The following RAPGEF2 variants were observed in gnomAD, a reference collection of about 807,000 sequenced individuals.
RAPGEF2 encodes the protein Rap guanine nucleotide exchange factor 2.
In RAPGEF2, 54 loss-of-function variants were observed where a neutral mutation model predicts 186.7. That is an observed-to-expected ratio of 0.29 (90% CI 0.23 to 0.36). RAPGEF2 has a LOEUF of 0.36. RAPGEF2 is among the 10% of genes least tolerant of loss of function. RAPGEF2 has a pLI of 1.00. For synonymous variants in RAPGEF2, 712 were observed against 705.9 expected, an observed-to-expected ratio of 1.01 and a Z score of -0.14; for missense variants, 1,532 against 2,045.0, an observed-to-expected ratio of 0.75 and a Z score of 4.84.
intron 1 of RAPGEF2, among the ~76,000 whole-genome samples, chr4:159,152,142 C>G (rs1002638443): frequency 6.6e-6 from 1 of 152,058 alleles, no homozygotes; most frequent in African/African-American, 2.4e-5. Context: ...GGCAACATGG[C>G]AAAACCTCGT....
intron 1 of RAPGEF2, among the ~76,000 whole-genome samples, chr4:159,161,189 G>A (rs1579337796): frequency 6.6e-6 from 1 of 152,014 alleles, no homozygotes; most frequent in Non-Finnish European, 1.5e-5. Context: ...GTATTAATTT[G>A]TTTTCAGAAA....
intron 3 of RAPGEF2, among the ~76,000 whole-genome samples, chr4:159,198,642 C>T (rs1489805590): frequency 6.0e-5 from 9 of 150,244 alleles, no homozygotes; most frequent in Non-Finnish European, 8.9e-5. Flanking sequence ...GCTGGGGTTT[C>T]GCCATATTGG....
At chr4:159,348,218 C>T (rs1730625434) in intron 25 of RAPGEF2, among the ~76,000 whole-genome samples, 2 of 145,850 alleles carry the variant, frequency 1.4e-5, no homozygotes, top group East Asian at 2.1e-4. Flanking sequence ...AAGACTCTGT[C>T]GATAGATAGA....
intron 1 of RAPGEF2, among the ~76,000 whole-genome samples, chr4:159,170,922 C>G (rs1745849824): frequency 6.6e-6 from 1 of 151,406 alleles, no homozygotes. Context: ...TGTGTAGATA[C>G]CCAGTTTTCT....
intron 8 of RAPGEF2, among the ~76,000 whole-genome samples, chr4:159,313,978 A>T (rs1764247367): frequency 6.6e-6 from 1 of 152,202 alleles, no homozygotes; most frequent in African/African-American, 2.4e-5. Context: ...AAGTTTAGTG[A>T]TGTGATTACC....
At chr4:159,129,138 A>G (rs946414621) in intron 1 of RAPGEF2, among the ~76,000 whole-genome samples, 3 of 151,926 alleles carry the variant, frequency 2.0e-5, no homozygotes, top group Non-Finnish European at 4.4e-5. Context: ...TAGAAATGTA[A>G]TAAGAATAAG....
chr4:159,136,615 A>T (rs1000840364), intron 1 of RAPGEF2, among the ~76,000 whole-genome samples: 1 of 152,200 alleles, frequency 6.6e-6, no homozygotes, highest in African/African-American at 2.4e-5. Flanking sequence ...TCTCTAAACA[A>T]TGTGAATGCC....
At chr4:159,198,363 C>CT (rs1351601997) in intron 3 of RAPGEF2, among the ~76,000 whole-genome samples, 1 of 127,858 alleles carries the variant, frequency 7.8e-6, no homozygotes, top group African/African-American at 2.9e-5. Context: ...TCCTTCCTTC[C>CT]TTTTTTTCTT....
At chr4:159,172,081 A>G (rs1254404790) in intron 1 of RAPGEF2, among the ~76,000 whole-genome samples, 1 of 152,226 alleles carries the variant, frequency 6.6e-6, no homozygotes, top group Non-Finnish European at 1.5e-5. Context: ...TTTAAATGGA[A>G]TACATTAAGC....
chr4:159,103,345 G>A lies in RAPGEF2; in HGVS notation c.-818G>A, dbSNP rs968226407. On this transcript the variant is annotated 5_prime_UTR_variant, in exon 1 of 30. Coordinates refer to ENST00000691494, the MANE Select transcript of RAPGEF2 (RefSeq NM_001394067.2). ...GCCCGGGCCGGGTGCTCTGGCCGCG[G>A]CGGCGCCGGCGCCGGGGCAGCTCCG... is the stretch of plus-strand genomic sequence containing the variant. 3 of 151,580 alleles carry A rather than the reference G, an allele frequency of 2.0e-5. No homozygotes were observed. Among genetic ancestry groups the A allele is most frequent in the African/African-American group, 7.3e-5 (3 of 41,252 alleles). 9.4% of individuals were successfully genotyped at this position (151,580 alleles called of 1,614,324 possible).
rs142343445 is a variant in RAPGEF2 at position 159,353,715 on chromosome 4, T to G, written c.4320T>G (p.Phe1440Leu). 579 of 1,605,844 alleles carry G rather than the reference T, an allele frequency of 3.6e-4. No individual in the cohort carries two copies. Among genetic ancestry groups the G allele is most frequent in the Middle Eastern group, 5.0e-4 (3 of 5,990 alleles). ...WETLPFGHTH[F>L]DYSGDPAGLW... The stretch of plus-strand genomic sequence containing the variant: ...CTCTTCCATTCGGGCATACTCACTT[T>G]GATTATTCAGGGGATCCTGCAGGTT... Residue 1440 changes from phenylalanine (F) to leucine (L), a missense_variant, in exon 28 of 30, where the codon TTT becomes TTG. Physicochemically the swap from Phe to Leu is conservative, Grantham distance 22. Around this residue, in one of 4 missense-constraint regions of RAPGEF2, gnomAD observed 594 missense variants for 608.5 expected, o/e 0.98. Transcript: ENST00000691494. The surrounding 1 kb of genome is among the most constrained non-coding windows in gnomAD (Gnocchi z 4.3).
At chr4:159,345,448 G>C (rs1319350881) in intron 24 of RAPGEF2, 119 bp downstream of exon 24, 1 of 827,452 alleles carries the variant, frequency 1.2e-6, no homozygotes, top group Admixed American at 2.4e-5. Context: ...GCAATCCTGA[G>C]ATATACTAGT....
intron 19 of RAPGEF2, 142 bp from the exon 20 acceptor site, chr4:159,341,418 GCTGT>G (rs957496862): frequency 5.9e-5 from 46 of 777,426 alleles, no homozygotes; most frequent in African/African-American, 4.4e-4. Flanking sequence ...TAGCAGCTGT[GCTGT>G]CTGTCTTGGT....
intron 13 of RAPGEF2, 140 bp downstream of exon 13, chr4:159,330,638 A>G (rs1766561518): frequency 4.9e-6 from 3 of 607,670 alleles, no homozygotes; most frequent in Non-Finnish European, 8.0e-6. Context: ...AAAAAAAACA[A>G]AAAAACAAAA....
In RAPGEF2 at chr4:159,341,823, G is replaced by A; in HGVS notation, c.2794G>A (p.Val932Ile). The stretch of plus-strand genomic sequence containing the variant: ...AGTCATTAACCAGGAAACATTTTGG[G>A]TAGCATCTGAAATTCTCAGAGAAAC... ...EEVINQETFW[V>I]ASEILRETNQ... The change falls in exon 20 of 30, where the codon GTA becomes ATA. Residue 932 changes from valine (V) to isoleucine (I), a missense_variant. Physicochemically the swap from Val to Ile is conservative, Grantham distance 29 (BLOSUM62 3). Transcript: ENST00000691494. 1 of 1,612,972 alleles carries A rather than the reference G, an allele frequency of 6.2e-7. No homozygotes were observed. Among genetic ancestry groups the A allele is most frequent in the Admixed American group, 1.7e-5 (1 of 59,906 alleles).
intron 6 of RAPGEF2, 98 bp downstream of exon 6, chr4:159,241,466 A>C: frequency 5.7e-6 from 3 of 529,362 alleles, no homozygotes; most frequent in South Asian, 1.6e-4. Context: ...AAATCTTTTC[A>C]ATTATATATA....
chr4:159,336,867 C>T (rs1480257399), intron 17 of RAPGEF2, among the ~76,000 whole-genome samples: 2 of 152,062 alleles, frequency 1.3e-5, no homozygotes, highest in East Asian at 3.8e-4. Context: ...ATTTATGACA[C>T]CTTAGTTTAT....
At chr4:159,116,850 A>G (rs945453666) in intron 1 of RAPGEF2, among the ~76,000 whole-genome samples, 1 of 152,162 alleles carries the variant, frequency 6.6e-6, no homozygotes, top group Admixed American at 6.5e-5. Context: ...AAGCTGAACA[A>G]TGAGAACACA....
chr4:159,178,816 C>T (rs1269322609), intron 1 of RAPGEF2, among the ~76,000 whole-genome samples: 2 of 152,094 alleles, frequency 1.3e-5, no homozygotes, highest in African/African-American at 2.4e-5. Flanking sequence ...GCCTCGGCTT[C>T]CCAAAGTGCT....
Sources: gnomAD v4.1 joint callset for allele counts (sites outside exome capture counted in the v4.1 genomes callset) on GRCh38, gnomAD v4.1.1 for gene constraint, gnomAD v4.1.1 regional missense constraint, Gnocchi (gnomAD v3.1) non-coding constraint, MANE v1.5 for transcripts, NCBI Gene and HGNC (gene_info 2026-07-23, HGNC 2026-07-21) for gene names.